Variants in ASIC2 observed in about 807,000 individuals in gnomAD.
The protein encoded by ASIC2 is acid-sensing ion channel 2.
ASIC2 carries 25 observed loss-of-function variants against 57.3 expected under a neutral mutation model. That is an observed-to-expected ratio of 0.44 (90% CI 0.32 to 0.61). The LOEUF (loss-of-function observed/expected upper bound fraction) is 0.61. ASIC2 is among the 20% of genes least tolerant of loss of function. ASIC2 has a pLI of 0.06. For missense variants in ASIC2, 641 were observed against 738.1 expected (o/e 0.87, Z 1.52); for synonymous variants, 319 against 307.5 (o/e 1.04, Z -0.39).
At chr17:34,111,368 C>T (rs1419489091) in intron 1 of ASIC2, among the ~76,000 whole-genome samples, 4 of 149,894 alleles carry the variant, frequency 2.7e-5, no homozygotes, top group Non-Finnish European at 5.9e-5. Context: ...AAAACAGATT[C>T]TGGGTCTGTG....
At chr17:33,895,351 C>T (rs1476714015) in intron 1 of ASIC2, among the ~76,000 whole-genome samples, 3 of 151,924 alleles carry the variant, frequency 2.0e-5, no homozygotes, top group Non-Finnish European at 2.9e-5. Flanking sequence ...TTAGTAGAGA[C>T]GGGGTTTCAC....
chr17:33,505,787 C>T (rs1369783663), intron 1 of ASIC2, among the ~76,000 whole-genome samples: 1 of 152,212 alleles, frequency 6.6e-6, no homozygotes, highest in Non-Finnish European at 1.5e-5. Flanking sequence ...CTCAACCTTG[C>T]TATCCTAGTC....
chr17:33,346,417 G>A (rs891482634), intron 1 of ASIC2, among the ~76,000 whole-genome samples: 9 of 152,068 alleles, frequency 5.9e-5, no homozygotes, highest in Non-Finnish European at 1.0e-4. Flanking sequence ...TTGTGTCAGC[G>A]TAACAGTGGT....
intron 1 of ASIC2, among the ~76,000 whole-genome samples, chr17:33,550,617 T>C (rs1360100486): frequency 6.6e-6 from 1 of 152,248 alleles, no homozygotes; most frequent in African/African-American, 2.4e-5. Flanking sequence ...TACTGGCTAC[T>C]ACTGGGCTTT....
intron 1 of ASIC2, among the ~76,000 whole-genome samples, chr17:33,731,510 C>A (rs564186773): frequency 6.1e-4 from 93 of 152,254 alleles, no homozygotes; most frequent in African/African-American, 2.1e-3. Context: ...TCCCTGCTGC[C>A]TCCATCTATG....
chr17:33,313,666 CA>C (rs1341063058), intron 1 of ASIC2, among the ~76,000 whole-genome samples: 2 of 152,162 alleles, frequency 1.3e-5, no homozygotes, highest in Non-Finnish European at 2.9e-5. Flanking sequence ...CCCTGTGTGA[CA>C]TTTGCTAAGA....
intron 1 of ASIC2, among the ~76,000 whole-genome samples, chr17:33,231,421 G>A (rs1171208374): frequency 1.3e-5 from 2 of 152,228 alleles, no homozygotes; most frequent in Non-Finnish European, 2.9e-5. Flanking sequence ...ATACAGAGGT[G>A]CATGGCTGGA....
At chr17:33,601,960 A>G (rs540076529) in intron 1 of ASIC2, among the ~76,000 whole-genome samples, 3 of 152,348 alleles carry the variant, frequency 2.0e-5, no homozygotes, top group South Asian at 4.1e-4. Flanking sequence ...TGTAATGGAC[A>G]TATCTATCCT....
intron 1 of ASIC2, among the ~76,000 whole-genome samples, chr17:33,966,505 G>T (rs1298141534): frequency 6.6e-6 from 1 of 152,122 alleles, no homozygotes; most frequent in Non-Finnish European, 1.5e-5. Flanking sequence ...ATAAAAACTG[G>T]TAACATCATA....
intron 1 of ASIC2, among the ~76,000 whole-genome samples, chr17:33,847,070 C>T (rs1471420390): frequency 1.3e-5 from 2 of 151,832 alleles, no homozygotes; most frequent in Non-Finnish European, 2.9e-5. Context: ...CAGCCAGGAA[C>T]ATCTAAACCC....
At chr17:33,769,697 G>C (rs1338157516) in intron 1 of ASIC2, among the ~76,000 whole-genome samples, 1 of 152,252 alleles carries the variant, frequency 6.6e-6, no homozygotes, top group Non-Finnish European at 1.5e-5. Flanking sequence ...AAAGAAGCTT[G>C]AGTCTGGAGG....
At chr17:34,096,923 A>G (rs1910570072) in intron 1 of ASIC2, among the ~76,000 whole-genome samples, 1 of 150,686 alleles carries the variant, frequency 6.6e-6, no homozygotes, top group East Asian at 1.9e-4. Context: ...GTGAGAGATC[A>G]TGGTGGCCTC....
Position 33,346,684 on chromosome 17 carries a change from A to T in ASIC2, c.556-234617T>A, listed in dbSNP as rs866292525. Among the ~76,000 whole-genome samples, 54 of 152,308 alleles carry T rather than the reference A, an allele frequency of 3.5e-4. No homozygotes were observed. In the Middle Eastern group the frequency reaches 0.014, roughly 38 times the overall value. On this transcript the variant is annotated intron_variant, in intron 1 of 9. Coordinates refer to the ASIC2 transcript ENST00000359872. ...TTTGCAACTTGAGCTCAGATAAGAG[A>T]TTAAAGCTGAAGATATAGATCTGGG...
chr17:33,224,836 A>G (rs775556435), intron 1 of ASIC2, among the ~76,000 whole-genome samples: 5 of 152,182 alleles, frequency 3.3e-5, no homozygotes, highest in Non-Finnish European at 7.4e-5. Context: ...CTGGCCAGAC[A>G]TGATTTGGGG....
chr17:33,477,721 T>C (rs1913276189), intron 1 of ASIC2, among the ~76,000 whole-genome samples: 1 of 152,188 alleles, frequency 6.6e-6, no homozygotes, highest in Non-Finnish European at 1.5e-5. Context: ...AAGACAGCCA[T>C]TCACATGGAG....
intron 3 of ASIC2, among the ~76,000 whole-genome samples, chr17:33,035,955 C>G (rs1266943037): frequency 6.6e-6 from 1 of 152,214 alleles, no homozygotes; most frequent in African/African-American, 2.4e-5. Flanking sequence ...TGTGGTTGAG[C>G]TCCATCCCCA....
intron 1 of ASIC2, among the ~76,000 whole-genome samples, chr17:33,473,516 G>A (rs1021281119): frequency 3.9e-5 from 6 of 152,088 alleles, no homozygotes; most frequent in South Asian, 2.1e-4. Context: ...TGAGTACCAC[G>A]CGGGGCTTCT....
chr17:33,656,283 A>G lies in ASIC2; in HGVS notation c.555+499695T>C, dbSNP rs76542842. ...AGAGAGAGAGAGGAAGGAGGGAGAG[A>G]GAAAGAGAATCAGATTGACACCAGA... On this transcript the variant is annotated intron_variant, in intron 1 of 9. Coordinates refer to the ASIC2 transcript ENST00000359872. Among the ~76,000 whole-genome samples the G allele has an allele frequency of 3.6e-3, 545 of 152,302 alleles. 23 individuals carry two copies. In the East Asian group the frequency reaches 0.082, roughly 23 times the overall value.
At chr17:33,681,141 G>A (rs552083007) in intron 1 of ASIC2, among the ~76,000 whole-genome samples, 2 of 152,316 alleles carry the variant, frequency 1.3e-5, no homozygotes, top group Admixed American at 1.3e-4. Flanking sequence ...ATTTTGTTCA[G>A]GCATCTGTTG....
Sources: gnomAD v4.1 joint callset for allele counts (sites outside exome capture counted in the v4.1 genomes callset) on GRCh38, gnomAD v4.1.1 for gene constraint, MANE v1.5 for transcripts, NCBI Gene and HGNC (gene_info 2026-07-23, HGNC 2026-07-21) for gene names.